EXOC6B: variants seen among roughly 807,000 people sequenced by gnomAD.
EXOC6B encodes the protein SEC15 homolog B.
A neutral mutation model predicts 113.5 loss-of-function variants in EXOC6B; 54 were observed. The ratio of observed to expected loss-of-function variants is 0.48; its 90% confidence interval spans 0.38 to 0.60. The LOEUF is 0.60. Among genes scored for constraint, EXOC6B ranks in the 20% least tolerant of loss-of-function variants. The probability of loss-of-function intolerance (pLI) is 0.00; values close to 1 mark genes in which losing one functional copy is unlikely to be tolerated. For missense variants in EXOC6B, 797 were observed against 977.5 expected, an observed-to-expected ratio of 0.82 and a Z score of 2.46; for synonymous variants, 357 against 339.0, an observed-to-expected ratio of 1.05 and a Z score of -0.58.
intron 6 of EXOC6B, among the ~76,000 whole-genome samples, chr2:72,680,351 G>T (rs182273229): frequency 6.5e-4 from 99 of 152,196 alleles, no homozygotes; most frequent in African/African-American, 2.3e-3. Flanking sequence ...GTAAAATTGA[G>T]ACAATAAAAG....
intron 1 of EXOC6B, among the ~76,000 whole-genome samples, chr2:72,778,785 T>G (rs1683861511): frequency 6.6e-6 from 1 of 152,170 alleles, no homozygotes; most frequent in Non-Finnish European, 1.5e-5. Flanking sequence ...GTAAAGTTTT[T>G]CCCAAAATGT....
intron 6 of EXOC6B, among the ~76,000 whole-genome samples, chr2:72,705,287 TA>T (rs1678773217): frequency 6.6e-6 from 1 of 152,180 alleles, no homozygotes; most frequent in Non-Finnish European, 1.5e-5. Context: ...CGCTTCATGC[TA>T]AAAACTCTCA....
chr2:72,823,079 G>A (rs566272796), intron 1 of EXOC6B, among the ~76,000 whole-genome samples: 1 of 149,042 alleles, frequency 6.7e-6, no homozygotes, highest in East Asian at 2.0e-4. Flanking sequence ...AAGGCAGTGG[G>A]TACTCCTTGT....
chr2:72,419,776 G>A (rs1245723560), intron 18 of EXOC6B, among the ~76,000 whole-genome samples: 1 of 152,030 alleles, frequency 6.6e-6, no homozygotes, highest in African/African-American at 2.4e-5. Flanking sequence ...TTTAGTGTTG[G>A]TCTCTTTTAG....
At position 72,506,162 on chromosome 2, in the gene EXOC6B, AG is replaced by A. The variant is rs1019528785; in HGVS notation, c.1168-6191del. ...TATGCATTATAAAAGGAGTTGCTAC[AG>A]AAGAAGCAGGATTGAGAAAAGAAAA... is the stretch of plus-strand genomic sequence containing the variant. On this transcript the variant is annotated intron_variant, in intron 11 of 21. Transcript: ENST00000272427. Among the ~76,000 whole-genome samples the A allele has an allele frequency of 5.3e-5, 8 of 152,210 alleles. 1 individual carries two copies. Among genetic ancestry groups the A allele is most frequent in the African/African-American group, 1.9e-4 (8 of 41,532 alleles).
In EXOC6B at chr2:72,326,336, G is replaced by A. The variant is rs112463624; in HGVS notation, c.2196+8611C>T. Among the ~76,000 whole-genome samples the A allele has an allele frequency of 7.5e-3, 1,145 of 152,234 alleles. 25 individuals carry two copies. Among genetic ancestry groups the A allele is most frequent in the African/African-American group, 0.026 (1,078 of 41,546 alleles). ...TTCATGCTGTATGGTAGAGGTTAGG[G>A]AGAAACCTTCTGAGTTCCTCAGGCT... On this transcript the variant is annotated intron_variant, in intron 20 of 21. Transcript: ENST00000272427.
chr2:72,647,333 A>G (rs891126356), intron 6 of EXOC6B, among the ~76,000 whole-genome samples: 1 of 152,156 alleles, frequency 6.6e-6, no homozygotes, highest in Non-Finnish European at 1.5e-5. Context: ...AATCAATACC[A>G]TGAAAATGGC....
At chr2:72,713,437 T>G (rs1363643915) in intron 6 of EXOC6B, among the ~76,000 whole-genome samples, 1 of 152,136 alleles carries the variant, frequency 6.6e-6, no homozygotes, top group Non-Finnish European at 1.5e-5. Flanking sequence ...TTTTTTTCTT[T>G]TATTATTATT....
At chr2:72,538,197 A>C (rs2105780278) in intron 8 of EXOC6B, among the ~76,000 whole-genome samples, 1 of 152,216 alleles carries the variant, frequency 6.6e-6, no homozygotes, top group South Asian at 2.1e-4. Flanking sequence ...TCCTGGCCTC[A>C]AGCAAGCCTC....
intron 8 of EXOC6B, among the ~76,000 whole-genome samples, chr2:72,552,845 A>G (rs895218393): frequency 6.6e-6 from 1 of 152,078 alleles, no homozygotes; most frequent in Admixed American, 6.5e-5. Flanking sequence ...TTCTTAAAAG[A>G]TTATCAAGAG....
At chr2:72,545,701 C>A (rs903971106) in intron 8 of EXOC6B, among the ~76,000 whole-genome samples, 2 of 152,120 alleles carry the variant, frequency 1.3e-5, no homozygotes, top group African/African-American at 2.4e-5. Flanking sequence ...ATCCAAGATG[C>A]TATTATGTTA....
intron 18 of EXOC6B, among the ~76,000 whole-genome samples, chr2:72,459,121 T>C (rs1023717748): frequency 2.6e-5 from 4 of 152,164 alleles, no homozygotes; most frequent in Non-Finnish European, 5.9e-5. Context: ...ATTATCTCAA[T>C]AGAGGCAGAA....
At chr2:72,512,644 A>C (rs1255617869) in intron 11 of EXOC6B, among the ~76,000 whole-genome samples, 1 of 152,072 alleles carries the variant, frequency 6.6e-6, no homozygotes, top group Non-Finnish European at 1.5e-5. Flanking sequence ...TAATATTAAC[A>C]GGCACTATAG....
chr2:72,472,620 G>T (rs1054523062), intron 17 of EXOC6B, among the ~76,000 whole-genome samples: 1 of 151,822 alleles, frequency 6.6e-6, no homozygotes, highest in South Asian at 2.1e-4. Flanking sequence ...GCTAGTGGTT[G>T]TTATCAATTT....
rs554813762 is a variant in EXOC6B at position 72,594,870 on chromosome 2, T to C, written c.670-19202A>G. Among the ~76,000 whole-genome samples, 32 of 152,198 alleles carry C rather than the reference T, an allele frequency of 2.1e-4. No individual in the cohort carries two copies. In the South Asian group the frequency reaches 6.4e-3, roughly 31 times the overall value. ...AAAGGATGATTCAAATAGTATATAA[T>C]TAAAGAAAAAAAGATACCAAAGAAA... On this transcript the variant is annotated intron_variant, in intron 6 of 21. Coordinates refer to ENST00000272427, the MANE Select transcript of EXOC6B (RefSeq NM_015189.3).
At chr2:72,331,930 T>C (rs995387510) in intron 20 of EXOC6B, among the ~76,000 whole-genome samples, 1 of 152,120 alleles carries the variant, frequency 6.6e-6, no homozygotes, top group African/African-American at 2.4e-5. Flanking sequence ...AACTTTTAAA[T>C]GACCGTTATT....
At chr2:72,517,618 T>C (rs1450755219) in intron 8 of EXOC6B, among the ~76,000 whole-genome samples, 1 of 152,190 alleles carries the variant, frequency 6.6e-6, no homozygotes, top group African/African-American at 2.4e-5. Context: ...AGTAGTATTA[T>C]TAAATCTTAA....
chr2:72,812,919 T>C (rs1301011327), intron 1 of EXOC6B, among the ~76,000 whole-genome samples: 1 of 151,920 alleles, frequency 6.6e-6, no homozygotes, highest in Non-Finnish European at 1.5e-5. Context: ...TTAAAAAAAC[T>C]TGTGATCTGC....
chr2:72,456,156 T>G (rs572609548), intron 18 of EXOC6B, among the ~76,000 whole-genome samples: 24 of 152,102 alleles, frequency 1.6e-4, no homozygotes, highest in Admixed American at 5.2e-4. Context: ...TAAGTAATAA[T>G]GAATGCAAGG....
Sources: gnomAD v4.1 joint callset for allele counts (sites outside exome capture counted in the v4.1 genomes callset) on GRCh38, gnomAD v4.1.1 for gene constraint, MANE v1.5 for transcripts, NCBI Gene and HGNC (gene_info 2026-07-23, HGNC 2026-07-21) for gene names.